Variants in TG observed in about 807,000 individuals in gnomAD.
The protein encoded by TG is thyroglobulin.
A neutral mutation model predicts 324.7 loss-of-function variants in TG; 270 were observed. The observed-to-expected ratio is 0.83, with a 90% CI of 0.75 to 0.92. The LOEUF is 0.92. Among genes scored for constraint, TG ranks in the 40% least tolerant of loss-of-function variants. The pLI, the probability that TG is intolerant of heterozygous loss-of-function variation, is 0.00. For missense variants in TG, 3,591 were observed against 3,456.4 expected (o/e 1.04, Z -0.98); for synonymous variants, 1,401 against 1,327.0 (o/e 1.06, Z -1.21).
At chr8:132,969,611 A>C in intron 32 of TG, 42 bp downstream of exon 32, 1 of 1,333,754 alleles carries the variant, frequency 7.5e-7, no homozygotes, top group Non-Finnish European at 1.1e-6. Flanking sequence ...ATTATGAATA[A>C]TACTTCCTCA....
chr8:133,105,156 C>A (rs2131716308), intron 43 of TG, among the ~76,000 whole-genome samples: 1 of 152,334 alleles, frequency 6.6e-6, no homozygotes, highest in South Asian at 2.1e-4. Context: ...CTCTGTGTCT[C>A]CTTCTTCCCC....
At chr8:132,941,999 A>G (rs1824516961) in intron 26 of TG, among the ~76,000 whole-genome samples, 1 of 152,160 alleles carries the variant, frequency 6.6e-6, no homozygotes, top group Admixed American at 6.5e-5. Context: ...CATTCATTCA[A>G]CAATGATCTA....
chr8:133,133,894 G>T (rs1852145464), intron 47 of TG, among the ~76,000 whole-genome samples: 1 of 152,192 alleles, frequency 6.6e-6, no homozygotes, highest in Non-Finnish European at 1.5e-5. Flanking sequence ...AGAGGGCAGT[G>T]GGGTGACTAG....
chr8:132,938,770 C>A (rs1367823582), intron 25 of TG, among the ~76,000 whole-genome samples: 1 of 152,022 alleles, frequency 6.6e-6, no homozygotes, highest in Non-Finnish European at 1.5e-5. Flanking sequence ...AGCAGCCCAT[C>A]GGCCAGGCGC....
intron 23 of TG, among the ~76,000 whole-genome samples, chr8:132,932,618 C>T (rs1247786805): frequency 2.0e-5 from 3 of 152,194 alleles, no homozygotes; most frequent in African/African-American, 4.8e-5. Context: ...AACCTCCTAT[C>T]CCTGTTAAAT....
chr8:132,967,129 C>G (rs1828695627), intron 30 of TG, among the ~76,000 whole-genome samples: 1 of 149,186 alleles, frequency 6.7e-6, no homozygotes, highest in East Asian at 2.0e-4. Context: ...ATCCATCCAT[C>G]CATCCATCCA....
Position 132,969,512 on chromosome 8 carries a change from T to C in TG, c.5918T>C (p.Leu1973Pro), listed in dbSNP as rs762988037. The stretch of plus-strand genomic sequence containing the variant: ...TACACTCGCCTGCCGTTCCAAAAAC[T>C]GATGGGGATATCCATTAGAAATAAA... ...NFYTRLPFQK[L>P]MGISIRNKVP... Residue 1973 changes from leucine (L) to proline (P), a missense_variant, in exon 32 of 48, where the codon CTG becomes CCG. Transcript: ENST00000220616. The C allele has an allele frequency of 6.2e-7, 1 of 1,614,040 alleles. No homozygotes were observed. Among genetic ancestry groups the C allele is most frequent in the Non-Finnish European group, 8.5e-7 (1 of 1,179,952 alleles).
intron 8 of TG, among the ~76,000 whole-genome samples, chr8:132,885,137 G>C (rs548848987): frequency 6.6e-6 from 1 of 150,902 alleles, no homozygotes; most frequent in East Asian, 2.0e-4. Context: ...GTTGGGGGGG[G>C]GGCGTGGTGG....
intron 40 of TG, among the ~76,000 whole-genome samples, chr8:133,028,470 A>T (rs1836309893): frequency 6.6e-6 from 1 of 152,166 alleles, no homozygotes; most frequent in Non-Finnish European, 1.5e-5. Context: ...AGACAAGAAC[A>T]CTCTGCTAAG....
At position 133,134,860 on chromosome 8, in the gene TG, A is replaced by G. The variant is rs1852230877; in HGVS notation, c.*66A>G. 3.2e-6 allele frequency: 4 copies of G among 1,235,926 alleles called. No homozygotes were observed. The highest frequency in any genetic ancestry group is 1.7e-5 in the Admixed American group (1 of 58,892). 76.6% of individuals were successfully genotyped at this position (1,235,926 alleles called of 1,614,324 possible). A position where few individuals can be genotyped will look rare whatever the true frequency, so the allele number is the denominator to read the frequency against. Reference sequence around the variant, plus strand: ...CACTATGGTCATCTTTTTCTCTAAAATAGCCACTTACCTTCAATAAAGTAT... The same window carrying G: ...CACTATGGTCATCTTTTTCTCTAAAGTAGCCACTTACCTTCAATAAAGTAT... On this transcript the variant is annotated 3_prime_UTR_variant, in exon 48 of 48. Transcript: ENST00000220616.
chr8:132,970,913 A>G (rs1295166905), intron 32 of TG, among the ~76,000 whole-genome samples: 1 of 152,168 alleles, frequency 6.6e-6, no homozygotes, highest in East Asian at 1.9e-4. Flanking sequence ...CAGGGCACAG[A>G]TGCTGCCAAC....
In TG at chr8:132,873,172, G is replaced by GTCAACACCACAGACATGATGA; in HGVS notation, c.591_611dup (p.Asn198_Ile204dup). The GTCAACACCACAGACATGATGA allele has an allele frequency of 6.2e-7, 1 of 1,614,124 alleles. No individual in the cohort carries two copies. The highest frequency in any genetic ancestry group is 8.5e-7 in the Non-Finnish European group (1 of 1,180,020). On this transcript the variant is annotated inframe_insertion, in exon 5 of 48. Transcript: ENST00000220616. ...GTTTATGCCTGTCCAGTGCAAATTT[G>GTCAACACCACAGACATGATGA]TCAACACCACAGACATGATGATTTT...
chr8:133,012,771 T>C (rs931742662), intron 36 of TG, among the ~76,000 whole-genome samples: 2 of 152,252 alleles, frequency 1.3e-5, no homozygotes, highest in African/African-American at 4.8e-5. Context: ...GGTTATGCAC[T>C]GCACACCTCT....
rs1417413971 is a variant in TG, at chr8:133,038,547, A to T, written c.7239+8524A>T. On this transcript the variant is annotated intron_variant, in intron 41 of 47. Coordinates refer to ENST00000220616, the MANE Select transcript of TG (RefSeq NM_003235.5). ...GGCTAGTCCTCAAAGTAAGGTGGTGATGAGAAGAATGAGCTCTTTCTCTTG... is the reference window on the plus strand; with the variant it reads ...GGCTAGTCCTCAAAGTAAGGTGGTGTTGAGAAGAATGAGCTCTTTCTCTTG... 6.2e-6 allele frequency: 10 copies of T among 1,613,314 alleles called. No individual in the cohort carries two copies. The Middle Eastern group carries it at 6.6e-4, about 106-fold the overall frequency.
intron 31 of TG, among the ~76,000 whole-genome samples, chr8:132,968,900 A>T (rs1483953959): frequency 1.3e-5 from 2 of 152,178 alleles, no homozygotes; most frequent in Non-Finnish European, 2.9e-5. Context: ...ACTTTCTGTG[A>T]AGTGCTCATG....
chr8:133,079,580 T>A (rs1845434192), intron 41 of TG, among the ~76,000 whole-genome samples: 1 of 152,180 alleles, frequency 6.6e-6, no homozygotes, highest in African/African-American at 2.4e-5. Context: ...CCTAAGGCAA[T>A]TCAGCATCAT....
intron 35 of TG, among the ~76,000 whole-genome samples, chr8:132,985,459 T>C (rs1049737748): frequency 2.0e-5 from 3 of 152,218 alleles, no homozygotes; most frequent in African/African-American, 7.2e-5. Context: ...CTTGCCTTGA[T>C]GGAGACTTAG....
intron 41 of TG, chr8:133,050,132 TTCG>T (rs1840136609): frequency 1.5e-6 from 1 of 675,050 alleles, no homozygotes; most frequent in Non-Finnish European, 2.7e-6. Context: ...TAACCCATAT[TTCG>T]TCATCTGAAA....
intron 42 of TG, 105 bp from the exon 43 acceptor site, chr8:133,096,101 T>C: frequency 1.4e-6 from 2 of 1,415,088 alleles, no homozygotes; most frequent in Non-Finnish European, 2.0e-6. Context: ...AGTAGAGTCA[T>C]AGATGGATAA....
Sources: gnomAD v4.1 joint callset for allele counts (sites outside exome capture counted in the v4.1 genomes callset) on GRCh38, gnomAD v4.1.1 for gene constraint, MANE v1.5 for transcripts, NCBI Gene and HGNC (gene_info 2026-07-23, HGNC 2026-07-21) for gene names.